KANSL1: variants seen among roughly 807,000 people sequenced by gnomAD.
KANSL1 encodes the protein MLL1/MLL complex subunit KANSL1.
Under a neutral mutation model 103.6 loss-of-function variants are expected in KANSL1, and 22 were observed. That is an observed-to-expected ratio of 0.21 (90% CI 0.15 to 0.30). The LOEUF (loss-of-function observed/expected upper bound fraction) is 0.30. Ranked by LOEUF, KANSL1 falls within the 10% of genes least tolerant of loss-of-function variation. The pLI is 1.00. For synonymous variants in KANSL1, 600 were observed against 527.6 expected (o/e 1.14, Z -1.88); for missense variants, 1,337 against 1,399.8 (o/e 0.96, Z 0.72).
At chr17:46,096,667 G>GGA (rs2042099900) in intron 2 of KANSL1, among the ~76,000 whole-genome samples, 1 of 150,960 alleles carries the variant, frequency 6.6e-6, no homozygotes, top group South Asian at 2.1e-4. Context: ...CGCCCGGGCT[G>GGA]GAGTCCAGTG....
chr17:46,054,356 A>T (rs2077842220), intron 6 of KANSL1, among the ~76,000 whole-genome samples: 1 of 152,210 alleles, frequency 6.6e-6, no homozygotes, highest in South Asian at 2.1e-4. Flanking sequence ...GACCGGTCCC[A>T]GTCATGAAAT....
intron 6 of KANSL1, among the ~76,000 whole-genome samples, chr17:46,066,125 T>G (rs1183355529): frequency 6.6e-6 from 1 of 152,186 alleles, no homozygotes; most frequent in Non-Finnish European, 1.5e-5. Context: ...CCCGAAGTGT[T>G]GGGATTACAG....
intron 6 of KANSL1, 55 bp from the exon 7 acceptor site, chr17:46,050,759 AC>A (rs1353268446): frequency 2.6e-6 from 4 of 1,531,098 alleles, no homozygotes; most frequent in Non-Finnish European, 3.6e-6. Flanking sequence ...AAAGCCAGCT[AC>A]CCATTTGTTA....
At chr17:46,084,550 T>C (rs1473678290) in intron 3 of KANSL1, among the ~76,000 whole-genome samples, 1 of 151,636 alleles carries the variant, frequency 6.6e-6, no homozygotes, top group Non-Finnish European at 1.5e-5. Flanking sequence ...GGCGTGGTGG[T>C]GAGCCCCTGT....
intron 1 of KANSL1, among the ~76,000 whole-genome samples, chr17:46,216,699 T>C (rs928115774): frequency 6.6e-6 from 1 of 152,170 alleles, no homozygotes; most frequent in Non-Finnish European, 1.5e-5. Context: ...AGTCATGCTA[T>C]CAATTTGCAC....
intron 1 of KANSL1, among the ~76,000 whole-genome samples, chr17:46,216,597 T>TA (rs2048346802): frequency 8.0e-6 from 1 of 124,432 alleles, no homozygotes; most frequent in African/African-American, 3.1e-5. Flanking sequence ...AGACTCCGTC[T>TA]CAAAAAAAAA....
chr17:46,086,357 T>G (rs141963018), intron 3 of KANSL1, among the ~76,000 whole-genome samples: 1,572 of 152,316 alleles, frequency 0.01, 24 homozygotes, highest in African/African-American at 0.034. Flanking sequence ...GGTCAAAGCT[T>G]ATGTCTCTAC....
At chr17:46,160,091 T>C (rs1001166131) in intron 2 of KANSL1, among the ~76,000 whole-genome samples, 4 of 152,234 alleles carry the variant, frequency 2.6e-5, no homozygotes, top group Admixed American at 1.3e-4. Context: ...AAGCAAATTA[T>C]TTAACATATC....
intron 2 of KANSL1, among the ~76,000 whole-genome samples, chr17:46,111,723 G>T (rs2042816645): frequency 6.6e-6 from 1 of 152,166 alleles, no homozygotes; most frequent in Non-Finnish European, 1.5e-5. Context: ...GTATTTAATT[G>T]TTGATATTGA....
At position 46,033,444 on chromosome 17, in the gene KANSL1, G is replaced by A. The variant is rs555819683; in HGVS notation, c.2683C>T (p.Leu895Phe). ...TCAGGACTCCCCTTCAGAGACTGAA[G>A]ATCAACCTCCCGCCAGCTGCAAAAC... ...ILTPSWREVD[L>F]QSLKGSPDEE... is the part of the protein sequence containing the mutation. Residue 895 changes from leucine to phenylalanine, a missense_variant, in exon 12 of 15, where the codon CTT becomes TTT. Leu to Phe is a conservative substitution (Grantham distance 22, BLOSUM62 0). Coordinates refer to ENST00000432791, the MANE Select transcript of KANSL1 (RefSeq NM_015443.4). The A allele has an allele frequency of 6.2e-7, 1 of 1,614,168 alleles. No homozygotes were observed. Among genetic ancestry groups the A allele is most frequent in the African/African-American group, 1.3e-5 (1 of 75,044 alleles).
chr17:46,153,644 A>G (rs1031945625), intron 2 of KANSL1, among the ~76,000 whole-genome samples: 4 of 152,260 alleles, frequency 2.6e-5, no homozygotes, highest in Non-Finnish European at 5.9e-5. Flanking sequence ...TAAAGATTTC[A>G]TGAACCATCA....
intron 6 of KANSL1, among the ~76,000 whole-genome samples, chr17:46,055,498 C>A (rs899712245): frequency 5.3e-5 from 8 of 151,170 alleles, no homozygotes; most frequent in African/African-American, 1.7e-4. Flanking sequence ...AGATTATATT[C>A]TTGACTGTAA....
chr17:46,078,425 CA>C (rs2078866328), intron 4 of KANSL1, among the ~76,000 whole-genome samples: 1 of 152,204 alleles, frequency 6.6e-6, no homozygotes, highest in African/African-American at 2.4e-5. Flanking sequence ...GGGGTGAGCA[CA>C]AAGATCTGAA....
At chr17:46,115,162 C>T (rs925267536) in intron 2 of KANSL1, among the ~76,000 whole-genome samples, 2 of 152,144 alleles carry the variant, frequency 1.3e-5, no homozygotes, top group Non-Finnish European at 2.9e-5. Flanking sequence ...TGAGTTCAAG[C>T]GATTCTCCTG....
At chr17:46,066,773 G>GA (rs1190543713) in intron 5 of KANSL1, 41 bp from the exon 6 acceptor site, 13 of 1,423,580 alleles carry the variant, frequency 9.1e-6, no homozygotes, top group African/African-American at 2.9e-5. Flanking sequence ...AACACACAAA[G>GA]AAACAAAATA....
At chr17:46,081,714 C>T (rs2078995565) in intron 4 of KANSL1, among the ~76,000 whole-genome samples, 1 of 152,154 alleles carries the variant, frequency 6.6e-6, no homozygotes, top group Non-Finnish European at 1.5e-5. Context: ...CTTAACTCAC[C>T]ATTTAAAAAG....
rs1328130044 is a variant in KANSL1 at position 46,031,178 on chromosome 17, G to GT, written c.*297dup. ...GGGAGGGGGTGGTCATCTAAGATCA[G>GT]TAAGTCCAGTGATTCAACAGTGCAG... On this transcript the variant is annotated 3_prime_UTR_variant, in exon 15 of 15. Coordinates refer to ENST00000432791, the MANE Select transcript of KANSL1 (RefSeq NM_015443.4). 60 of 470,388 alleles carry GT rather than the reference G, an allele frequency of 1.3e-4. No individual in the cohort carries two copies. The highest frequency in any genetic ancestry group is 1.1e-3 in the African/African-American group (56 of 51,958). 29.1% of individuals were successfully genotyped at this position (470,388 alleles called of 1,614,324 possible).
chr17:46,062,134 A>AAAAAAAAAAAAAAAAAAAC (rs67483415), intron 6 of KANSL1, among the ~76,000 whole-genome samples: 3 of 132,750 alleles, frequency 2.3e-5, no homozygotes, highest in Non-Finnish European at 4.9e-5. Flanking sequence ...AAAAAAAAAA[A>AAAAAAAAAAAAAAAAAAAC]CATGTTACAG....
intron 6 of KANSL1, among the ~76,000 whole-genome samples, chr17:46,059,858 C>A (rs1452549158): frequency 6.6e-6 from 1 of 151,922 alleles, no homozygotes; most frequent in Non-Finnish European, 1.5e-5. Context: ...GCCACCACAG[C>A]TGGCTTTTTT....
Sources: gnomAD v4.1 joint callset for allele counts (sites outside exome capture counted in the v4.1 genomes callset) on GRCh38, gnomAD v4.1.1 for gene constraint, MANE v1.5 for transcripts, NCBI Gene and HGNC (gene_info 2026-07-23, HGNC 2026-07-21) for gene names.